ZNF704: variants seen among roughly 807,000 people sequenced by gnomAD.
The protein encoded by ZNF704 is glucocorticoid induced gene 1.
In ZNF704, 10 loss-of-function variants were observed where a neutral mutation model predicts 44.7. The ratio of observed to expected loss-of-function variants is 0.22; its 90% CI spans 0.14 to 0.38. The LOEUF (loss-of-function observed/expected upper bound fraction) is 0.38. Ranked by LOEUF, ZNF704 falls within the 10% of genes least tolerant of loss-of-function variation. The pLI is 1.00. For synonymous variants in ZNF704, 211 were observed against 207.6 expected, an observed-to-expected ratio of 1.02 and a Z score of -0.14; for missense variants, 390 against 545.5, an observed-to-expected ratio of 0.71 and a Z score of 2.84.
At chr8:80,677,198 A>G (rs759300077) in intron 4 of ZNF704, among the ~76,000 whole-genome samples, 22 of 152,318 alleles carry the variant, frequency 1.4e-4, no homozygotes, top group Middle Eastern at 3.4e-3. Context: ...CTCCTACATC[A>G]TGGGACTTTT....
intron 4 of ZNF704, among the ~76,000 whole-genome samples, chr8:80,671,892 C>G (rs1818286776): frequency 6.6e-6 from 1 of 152,184 alleles, no homozygotes; most frequent in African/African-American, 2.4e-5. Flanking sequence ...ACACAAAGGT[C>G]TTAGGGTATA....
At chr8:80,740,351 G>C (rs555185626) in intron 2 of ZNF704, among the ~76,000 whole-genome samples, 20 of 152,192 alleles carry the variant, frequency 1.3e-4, no homozygotes, top group Non-Finnish European at 2.8e-4. Context: ...GGACAATATG[G>C]ACGAACAAAG....
At chr8:80,724,610 TA>T (rs1806443364) in intron 2 of ZNF704, among the ~76,000 whole-genome samples, 1 of 152,208 alleles carries the variant, frequency 6.6e-6, no homozygotes, top group Non-Finnish European at 1.5e-5. Flanking sequence ...AAACCTTCAC[TA>T]AATGGTTGTA....
At chr8:80,729,555 G>A (rs952524513) in intron 2 of ZNF704, among the ~76,000 whole-genome samples, 11 of 152,172 alleles carry the variant, frequency 7.2e-5, no homozygotes, top group Non-Finnish European at 1.5e-4. Context: ...GGGTCCCAGA[G>A]AGTAATCCTG....
chr8:80,796,052 C>T (rs983461924), intron 2 of ZNF704, among the ~76,000 whole-genome samples: 1 of 152,176 alleles, frequency 6.6e-6, no homozygotes, highest in Admixed American at 6.5e-5. Flanking sequence ...GAAAAACTGA[C>T]CTTTAGCTAG....
intron 4 of ZNF704, among the ~76,000 whole-genome samples, chr8:80,680,602 C>G (rs1314939492): frequency 6.6e-6 from 1 of 152,166 alleles, no homozygotes; most frequent in Non-Finnish European, 1.5e-5. Flanking sequence ...GAGGTCCACA[C>G]AGATCCCCAG....
intron 2 of ZNF704, chr8:80,749,584 C>T (rs551861986): frequency 1.3e-4 from 20 of 153,392 alleles, no homozygotes; most frequent in African/African-American, 4.3e-4. Context: ...CCAGTGATCA[C>T]CAGCTGCCCA....
chr8:80,851,491 A>T (rs1007437586), intron 1 of ZNF704, among the ~76,000 whole-genome samples: 1 of 149,252 alleles, frequency 6.7e-6, no homozygotes, highest in Admixed American at 6.8e-5. Flanking sequence ...ACCAAACACC[A>T]CATGTTCTCA....
chr8:80,851,441 A>G (rs2130000972), intron 1 of ZNF704, among the ~76,000 whole-genome samples: 1 of 152,266 alleles, frequency 6.6e-6, no homozygotes, highest in Non-Finnish European at 1.5e-5. Flanking sequence ...ATGAAACTGG[A>G]AACTATCACA....
intron 8 of ZNF704, 117 bp downstream of exon 8, chr8:80,642,918 T>C (rs1817767539): frequency 3.4e-6 from 2 of 595,516 alleles, no homozygotes; most frequent in Non-Finnish European, 5.2e-6. Context: ...AGAAAGGGTG[T>C]TTTGTCAATT....
intron 1 of ZNF704, among the ~76,000 whole-genome samples, chr8:80,860,966 A>C (rs1809051447): frequency 6.6e-6 from 1 of 152,196 alleles, no homozygotes; most frequent in African/African-American, 2.4e-5. Context: ...GTGGGGGGGC[A>C]GGAAGTCTTC....
intron 2 of ZNF704, among the ~76,000 whole-genome samples, chr8:80,765,004 C>T (rs933501651): frequency 7.9e-5 from 12 of 152,052 alleles, no homozygotes; most frequent in African/African-American, 2.9e-4. Context: ...TTGAGAAGTC[C>T]CATGACAGGC....
chr8:80,748,087 A>C (rs1033857435), intron 2 of ZNF704, among the ~76,000 whole-genome samples: 1 of 152,214 alleles, frequency 6.6e-6, no homozygotes, highest in Admixed American at 6.5e-5. Context: ...TACAAACGGC[A>C]AGGCTTTATG....
chr8:80,683,585 T>C (rs955971498), intron 4 of ZNF704, among the ~76,000 whole-genome samples: 1 of 152,206 alleles, frequency 6.6e-6, no homozygotes, highest in Non-Finnish European at 1.5e-5. Context: ...GTTAAACTGA[T>C]CTCTGCCACA....
chr8:80,802,194 CA>C (rs748625927), intron 2 of ZNF704, among the ~76,000 whole-genome samples: 117 of 82,516 alleles, frequency 1.4e-3, no homozygotes, highest in Middle Eastern at 7.7e-3. Context: ...GCCTACCAAC[CA>C]AAAAAAAAAA....
intron 1 of ZNF704, among the ~76,000 whole-genome samples, chr8:80,839,126 G>A (rs1489254888): frequency 6.6e-6 from 1 of 152,114 alleles, no homozygotes. Flanking sequence ...TAAGATATAT[G>A]AGCTGGTTTC....
chr8:80,746,490 T>A (rs971467153), intron 2 of ZNF704, among the ~76,000 whole-genome samples: 19 of 152,226 alleles, frequency 1.2e-4, no homozygotes, highest in African/African-American at 4.6e-4. Flanking sequence ...GAGGCTTTAC[T>A]CTTATGGGGT....
At chr8:80,665,830 TA>T (rs201500949) in intron 5 of ZNF704, among the ~76,000 whole-genome samples, 6,776 of 151,230 alleles carry the variant, frequency 0.045, 179 homozygotes, top group Middle Eastern at 0.082. Context: ...TATTTTATTT[TA>T]TTTTTTTTTC....
intron 3 of ZNF704, among the ~76,000 whole-genome samples, chr8:80,690,768 G>T (rs957534992): frequency 6.6e-6 from 1 of 152,184 alleles, no homozygotes; most frequent in African/African-American, 2.4e-5. Context: ...CAACACTTTG[G>T]GAGGCCAAGG....
Sources: gnomAD v4.1 joint callset for allele counts (sites outside exome capture counted in the v4.1 genomes callset) on GRCh38, gnomAD v4.1.1 for gene constraint, MANE v1.5 for transcripts, NCBI Gene and HGNC (gene_info 2026-07-23, HGNC 2026-07-21) for gene names.